TENM4: variants seen among roughly 807,000 people sequenced by gnomAD.
The protein encoded by TENM4 is teneurin-4.
A neutral mutation model predicts 243.3 loss-of-function variants in TENM4; 82 were observed. The ratio of observed to expected loss-of-function variants is 0.34; its 90% confidence interval spans 0.28 to 0.40. The LOEUF is 0.40. TENM4 is among the 10% of genes least tolerant of loss of function. The pLI is 1.00. For synonymous variants in TENM4, 1,412 were observed against 1,456.3 expected (o/e 0.97, Z 0.69); for missense variants, 3,138 against 3,673.3 (o/e 0.85, Z 3.77).
intron 1 of TENM4, among the ~76,000 whole-genome samples, chr11:79,410,301 G>A (rs1858670576): frequency 6.6e-6 from 1 of 152,096 alleles, no homozygotes; most frequent in Non-Finnish European, 1.5e-5. Flanking sequence ...CAATATCTAA[G>A]GTCCCCAGCA....
intron 4 of TENM4, among the ~76,000 whole-genome samples, chr11:79,126,096 T>G (rs956306919): frequency 1.3e-5 from 2 of 152,192 alleles, no homozygotes; most frequent in African/African-American, 4.8e-5. Context: ...TAAAAAAGGT[T>G]CTAATAGTTT....
Position 79,321,807 on chromosome 11 carries a change from A to G in TENM4, c.-320-24264T>C, listed in dbSNP as rs117864458. Among the ~76,000 whole-genome samples the G allele has an allele frequency of 7.9e-4, 120 of 152,290 alleles. No individual in the cohort carries two copies. In the East Asian group the frequency reaches 0.022, roughly 28 times the overall value. The stretch of plus-strand genomic sequence containing the variant: ...CTATCTTAGCTAGTTTGGGTCAGAC[A>G]AAAGCTTGAGGTATCAGAAGGGCTA... On this transcript the variant is annotated intron_variant, in intron 1 of 33. Coordinates refer to ENST00000278550, the MANE Select transcript of TENM4 (RefSeq NM_001098816.3).
At chr11:79,256,344 A>G (rs1274144493) in intron 2 of TENM4, among the ~76,000 whole-genome samples, 2 of 152,148 alleles carry the variant, frequency 1.3e-5, no homozygotes, top group Non-Finnish European at 2.9e-5. Flanking sequence ...TTGAGTGCCT[A>G]TCAGTTCCCC....
At chr11:79,115,681 G>A (rs1861603526) in intron 4 of TENM4, among the ~76,000 whole-genome samples, 1 of 152,184 alleles carries the variant, frequency 6.6e-6, no homozygotes, top group Admixed American at 6.5e-5. Context: ...GGCCTCAGAT[G>A]CTGTCCCTAT....
At chr11:78,786,323 G>A (rs546056832) in intron 16 of TENM4, among the ~76,000 whole-genome samples, 3 of 152,362 alleles carry the variant, frequency 2.0e-5, no homozygotes, top group Admixed American at 6.5e-5. Context: ...CCTGTGGGGA[G>A]CTCTCCCCAG....
chr11:79,078,380 C>T (rs545233239), intron 4 of TENM4, among the ~76,000 whole-genome samples: 91 of 152,070 alleles, frequency 6.0e-4, no homozygotes, highest in Middle Eastern at 3.4e-3. Flanking sequence ...TGTGTAAAAT[C>T]GTGAATTTTA....
At chr11:79,285,803 T>C (rs1331509894) in intron 2 of TENM4, among the ~76,000 whole-genome samples, 3 of 151,798 alleles carry the variant, frequency 2.0e-5, no homozygotes, top group African/African-American at 7.3e-5. Flanking sequence ...ATTCCATTTA[T>C]ATAAAATGTT....
At chr11:78,675,067 G>A (rs1031995822) in intron 30 of TENM4, among the ~76,000 whole-genome samples, 9 of 151,936 alleles carry the variant, frequency 5.9e-5, no homozygotes, top group Non-Finnish European at 8.8e-5. Context: ...AAGTTTCACC[G>A]TGTTGGCCAG....
intron 5 of TENM4, 59 bp downstream of exon 5, chr11:79,069,663 T>A (rs1160147962): frequency 1.3e-6 from 2 of 1,501,904 alleles, no homozygotes; most frequent in East Asian, 2.5e-5. Flanking sequence ...CCCGAGCCCA[T>A]GCCTACCTGA....
chr11:78,985,133 A>G (rs1481226107), intron 6 of TENM4, among the ~76,000 whole-genome samples: 3 of 152,232 alleles, frequency 2.0e-5, no homozygotes, highest in Admixed American at 2.0e-4. Flanking sequence ...ATGAGTTAAT[A>G]CATGCCAAGT....
chr11:78,687,734 C>T (rs1858720917), intron 29 of TENM4, among the ~76,000 whole-genome samples: 1 of 152,184 alleles, frequency 6.6e-6, no homozygotes, highest in Non-Finnish European at 1.5e-5. Flanking sequence ...TCCTCACCTA[C>T]ACCAGTGTGA....
intron 4 of TENM4, among the ~76,000 whole-genome samples, chr11:79,128,689 G>A (rs1416897153): frequency 1.3e-5 from 2 of 152,216 alleles, no homozygotes; most frequent in African/African-American, 4.8e-5. Flanking sequence ...TATCTCTGAA[G>A]GACAGCAGTG....
Position 79,226,795 on chromosome 11 carries a change from C to CATGATGG in TENM4, c.-264-10893_-264-10887dup, listed in dbSNP as rs1864275797. Among the ~76,000 whole-genome samples the CATGATGG allele has an allele frequency of 2.6e-5, 4 of 152,244 alleles. No individual in the cohort carries two copies. The South Asian group carries it at 8.3e-4, about 32-fold the overall frequency. ...ATTCTATTCAGGAGACCTTATAAAA[C>CATGATGG]ATGATGGTTTTTATCAAGCTGCCAG... On this transcript the variant is annotated intron_variant, in intron 2 of 33. Transcript: ENST00000278550.
chr11:79,013,241 C>T (rs959808653), intron 6 of TENM4, among the ~76,000 whole-genome samples: 1 of 152,158 alleles, frequency 6.6e-6, no homozygotes, highest in African/African-American at 2.4e-5. Flanking sequence ...CCAGACTATC[C>T]TCCACCCATT....
Position 78,794,273 on chromosome 11 carries a change from G to A in TENM4, c.2180-7190C>T, listed in dbSNP as rs181691338. Among the ~76,000 whole-genome samples the A allele has an allele frequency of 1.1e-4, 17 of 152,306 alleles. No individual in the cohort carries two copies. In the East Asian group the frequency reaches 1.7e-3, roughly 16 times the overall value. ...TCAACAGGTAGAGAGGACTGTTTCC[G>A]AAGCACAATCAGAGGAACGGGCATA... On this transcript the variant is annotated intron_variant, in intron 15 of 33. Coordinates refer to ENST00000278550, the MANE Select transcript of TENM4 (RefSeq NM_001098816.3).
chr11:79,111,323 A>G (rs1241477003), intron 4 of TENM4, among the ~76,000 whole-genome samples: 1 of 152,152 alleles, frequency 6.6e-6, no homozygotes, highest in Non-Finnish European at 1.5e-5. Context: ...AGGTGGGTAG[A>G]TTACAAGGTC....
intron 6 of TENM4, among the ~76,000 whole-genome samples, chr11:78,908,443 C>T (rs1000340428): frequency 4.6e-5 from 7 of 152,140 alleles, no homozygotes; most frequent in African/African-American, 1.4e-4. Context: ...ATGAATAAAT[C>T]GCAAAGCCCT....
chr11:78,927,383 C>T (rs1856575563), intron 6 of TENM4, among the ~76,000 whole-genome samples: 1 of 152,170 alleles, frequency 6.6e-6, no homozygotes, highest in Non-Finnish European at 1.5e-5. Flanking sequence ...TCTACTCCAC[C>T]TCTTCTCTCA....
chr11:79,308,096 G>A (rs61883567), intron 1 of TENM4, among the ~76,000 whole-genome samples: 24,028 of 152,242 alleles, frequency 0.16, 2,202 homozygotes, highest in African/African-American at 0.25. Context: ...TGGGTGGAGA[G>A]GCCGGAGGCA....
Sources: gnomAD v4.1 joint callset for allele counts (sites outside exome capture counted in the v4.1 genomes callset) on GRCh38, gnomAD v4.1.1 for gene constraint, MANE v1.5 for transcripts, NCBI Gene and HGNC (gene_info 2026-07-23, HGNC 2026-07-21) for gene names.